Variants in TBCE observed in about 807,000 individuals in gnomAD.
TBCE encodes tubulin-specific chaperone E.
A neutral mutation model predicts 77.0 loss-of-function variants in TBCE; 53 were observed. The ratio of observed to expected loss-of-function variants is 0.69; its 90% CI spans 0.55 to 0.87. The LOEUF (loss-of-function observed/expected upper bound fraction) is 0.87. Ranked by LOEUF, TBCE falls within the 40% of genes least tolerant of loss-of-function variation. The pLI is 0.00. For synonymous variants in TBCE, 235 were observed against 241.3 expected (o/e 0.97, Z 0.24); for missense variants, 624 against 622.4 (o/e 1.00, Z -0.03).
In TBCE at chr1:235,368,414, C is replaced by T. The variant is rs60491722; in HGVS notation, c.-32+910C>T. 9.2e-3 allele frequency among the ~76,000 whole-genome samples: 1,338 copies of T among 145,912 alleles called. 17 individuals carry two copies. The highest frequency in any genetic ancestry group is 0.034 in the African/African-American group (1,285 of 38,256). On this transcript the variant is annotated intron_variant, in intron 1 of 16. Coordinates refer to ENST00000642610, the MANE Select transcript of TBCE (RefSeq NM_003193.5). The stretch of plus-strand genomic sequence containing the variant: ...TTCTTTTCTCTGGCATTAATTTAGC[C>T]ACGGCCGCTGTGTTTTGATACTTGC...
chr1:235,448,214 CAG>C, intron 15 of TBCE, 133 bp from the exon 16 acceptor site: 1 of 686,072 alleles, frequency 1.5e-6, no homozygotes, highest in Non-Finnish European at 2.4e-6. Context: ...GTAAGTAAGT[CAG>C]TCTCAAAAAA....
intron 7 of TBCE, chr1:235,433,235 T>G: frequency 1.6e-6 from 2 of 1,230,188 alleles, no homozygotes; most frequent in Non-Finnish European, 2.1e-6. Context: ...ACTATTTGGT[T>G]TTTGAGATGG....
At chr1:235,409,009 C>CTTTTTT (rs10565716) in intron 3 of TBCE, among the ~76,000 whole-genome samples, 1 of 138,626 alleles carries the variant, frequency 7.2e-6, no homozygotes, top group African/African-American at 2.7e-5. Flanking sequence ...AACAGCCAAT[C>CTTTTTT]TTTTTTTTTT....
At chr1:235,400,154 A>G (rs1679006536) in intron 2 of TBCE, among the ~76,000 whole-genome samples, 1 of 152,148 alleles carries the variant, frequency 6.6e-6, no homozygotes, top group African/African-American at 2.4e-5. Context: ...AAGACCTTAG[A>G]ACATGCCATT....
rs181189279 is a variant in TBCE, at chr1:235,400,624, A to T, written c.101-879A>T. 6.2e-3 allele frequency among the ~76,000 whole-genome samples: 926 copies of T among 149,914 alleles called. 9 individuals carry two copies. Among genetic ancestry groups the T allele is most frequent in the African/African-American group, 0.022 (890 of 40,692 alleles). ...ACTGTGTTAGCCAGGATGGTCTCGAACTCCTGACCTCGTGATCCGCCTGCC... is the reference window on the plus strand; with the variant it reads ...ACTGTGTTAGCCAGGATGGTCTCGATCTCCTGACCTCGTGATCCGCCTGCC... On this transcript the variant is annotated intron_variant, in intron 2 of 16. Coordinates refer to ENST00000642610, the MANE Select transcript of TBCE (RefSeq NM_003193.5).
intron 6 of TBCE, among the ~76,000 whole-genome samples, chr1:235,427,600 C>T (rs1680801838): frequency 6.6e-6 from 1 of 152,028 alleles, no homozygotes; most frequent in South Asian, 2.1e-4. Context: ...TGGTGCCAGC[C>T]AAAGGGAAAT....
intron 2 of TBCE, among the ~76,000 whole-genome samples, chr1:235,387,524 G>A (rs571491149): frequency 6.6e-4 from 100 of 152,266 alleles, no homozygotes; most frequent in African/African-American, 2.0e-3. Flanking sequence ...TCCCCCAGCC[G>A]CGCTGCTGCC....
chr1:235,423,174 A>C (rs1458817596), intron 5 of TBCE, among the ~76,000 whole-genome samples: 2 of 151,934 alleles, frequency 1.3e-5, no homozygotes, highest in Non-Finnish European at 2.9e-5. Context: ...AGAGCTGCAG[A>C]CCCGGGTGTG....
intron 2 of TBCE, among the ~76,000 whole-genome samples, chr1:235,385,240 T>C (rs1052968878): frequency 1.3e-5 from 2 of 152,158 alleles, no homozygotes; most frequent in Non-Finnish European, 2.9e-5. Flanking sequence ...CTTCCAACTA[T>C]GTGGTCAATT....
intron 1 of TBCE, among the ~76,000 whole-genome samples, chr1:235,373,497 G>T (rs1474027244): frequency 6.6e-6 from 1 of 151,882 alleles, no homozygotes; most frequent in African/African-American, 2.4e-5. Context: ...AGTCTGGAGT[G>T]CAATGGCACG....
chr1:235,432,107 C>T (rs58061340), intron 7 of TBCE, among the ~76,000 whole-genome samples: 4,606 of 151,810 alleles, frequency 0.03, 254 homozygotes, highest in African/African-American at 0.11. Context: ...CCTCAGCCTC[C>T]AAAGTAGCTG....
intron 2 of TBCE, among the ~76,000 whole-genome samples, chr1:235,391,475 C>T (rs1341221862): frequency 6.9e-6 from 1 of 144,974 alleles, no homozygotes; most frequent in Admixed American, 6.9e-5. Flanking sequence ...ACAAAGACTC[C>T]ATCTCAAAAA....
rs747783297 is a variant in TBCE at position 235,436,613 on chromosome 1, G to A, written c.963+5G>A. The A allele has an allele frequency of 6.2e-7, 1 of 1,612,280 alleles. No homozygotes were observed. Among genetic ancestry groups the A allele is most frequent in the Non-Finnish European group, 8.5e-7 (1 of 1,178,332 alleles). ...AACGACAATCAGATATCACAAGTAA[G>A]AGCTGCTCGGAGTATGCCCAGCACA... On this transcript the variant is annotated splice_donor_5th_base_variant and intron_variant, in intron 11 of 16. Coordinates refer to ENST00000642610, the MANE Select transcript of TBCE (RefSeq NM_003193.5).
In TBCE at chr1:235,448,941, G is replaced by C; in HGVS notation, c.*179G>C. ...ACCATTTCTAGGCTTATACATAATAGCAATAATAAAGGCTTTGAACCTACT... is the reference window on the plus strand; with the variant it reads ...ACCATTTCTAGGCTTATACATAATACCAATAATAAAGGCTTTGAACCTACT... On this transcript the variant is annotated 3_prime_UTR_variant, in exon 17 of 17. Coordinates refer to ENST00000642610, the MANE Select transcript of TBCE (RefSeq NM_003193.5). 1 of 570,582 alleles carries C rather than the reference G, an allele frequency of 1.8e-6. No homozygotes were observed. The highest frequency in any genetic ancestry group is 3.2e-6 in the Non-Finnish European group (1 of 316,382). 35.3% of individuals were successfully genotyped at this position (570,582 alleles called of 1,614,324 possible).
intron 15 of TBCE, among the ~76,000 whole-genome samples, chr1:235,443,417 G>A (rs1483969383): frequency 6.6e-6 from 1 of 152,090 alleles, no homozygotes; most frequent in Non-Finnish European, 1.5e-5. Context: ...GCCCAGGCTG[G>A]TCTCGAATTC....
At chr1:235,433,915 T>A in intron 7 of TBCE, 1 of 485,972 alleles carries the variant, frequency 2.1e-6, no homozygotes, top group South Asian at 2.4e-5. Flanking sequence ...AGTTAGTATC[T>A]CCTGTTCCAC....
chr1:235,369,234 C>T (rs1233967112), intron 1 of TBCE, among the ~76,000 whole-genome samples: 1 of 152,148 alleles, frequency 6.6e-6, no homozygotes, highest in East Asian at 1.9e-4. Flanking sequence ...GTCGGCCGGG[C>T]GTGGTGGCTC....
rs1677966151 is a variant in TBCE at position 235,385,813 on chromosome 1, T to A, written c.100+5664T>A. On this transcript the variant is annotated intron_variant, in intron 2 of 16. Transcript: ENST00000642610. ...CTTTTAATTGGAGCATTTAGTCCATTTACATTTAAAGTTAATATTGTTATG... is the reference window on the plus strand; with the variant it reads ...CTTTTAATTGGAGCATTTAGTCCATATACATTTAAAGTTAATATTGTTATG... Among the ~76,000 whole-genome samples the A allele has an allele frequency of 2.0e-5, 3 of 152,204 alleles. No homozygotes were observed. In the South Asian group the frequency reaches 6.2e-4, roughly 31 times the overall value.
At chr1:235,431,063 C>T (rs991220847) in intron 7 of TBCE, among the ~76,000 whole-genome samples, 4 of 152,142 alleles carry the variant, frequency 2.6e-5, no homozygotes, top group Non-Finnish European at 4.4e-5. Context: ...TAAACAGTGG[C>T]GCTCCGTTAT....
Sources: allele counts gnomAD v4.1 joint callset (sites outside exome capture counted in the v4.1 genomes callset), GRCh38; gene constraint gnomAD v4.1.1; transcripts MANE v1.5; gene names NCBI Gene and HGNC (gene_info 2026-07-23, HGNC 2026-07-21).